Variants in ATXN2L observed in about 807,000 individuals in gnomAD.
ATXN2L encodes the protein ataxin-2-like protein.
ATXN2L carries 24 observed loss-of-function variants against 120.7 expected under a neutral mutation model. The observed-to-expected ratio is 0.20, with a 90% confidence interval of 0.14 to 0.28. ATXN2L has a LOEUF of 0.28. Ranked by LOEUF, ATXN2L falls within the 10% of genes least tolerant of loss-of-function variation. ATXN2L has a pLI of 1.00. For missense variants in ATXN2L, 1,312 were observed against 1,432.3 expected (o/e 0.92, Z 1.36); for synonymous variants, 653 against 568.1 (o/e 1.15, Z -2.13).
At chr16:28,830,135 C>T in intron 8 of ATXN2L, 77 bp downstream of exon 8, 2 of 1,399,866 alleles carry the variant, frequency 1.4e-6, no homozygotes, top group Non-Finnish European at 1.9e-6. Context: ...TTGATGAGTG[C>T]TGTGGTTTAA....
chr16:28,836,405 G>A lies in ATXN2L; in HGVS notation c.*140G>A, dbSNP rs147236636. 16 of 1,613,080 alleles carry A rather than the reference G, an allele frequency of 9.9e-6. No homozygotes were observed. The highest frequency in any genetic ancestry group is 4.0e-5 in the African/African-American group (3 of 74,822). ...CTGTCCTTTGCTTCCCTCCGTCCTC[G>A]CTCAGTTGTGATCCAGCAGCCCCCC... On this transcript the variant is annotated 3_prime_UTR_variant, in exon 22 of 22. Coordinates refer to ENST00000336783, the MANE Select transcript of ATXN2L (RefSeq NM_007245.4).
intron 2 of ATXN2L, 23 bp from the exon 3 acceptor site, chr16:28,825,601 C>A: frequency 6.2e-7 from 1 of 1,610,338 alleles, no homozygotes; most frequent in Non-Finnish European, 8.5e-7. Flanking sequence ...TCCTTTAATT[C>A]TCCCTCTTAT....
rs777217286 is a variant in ATXN2L at position 28,835,338 on chromosome 16, C to T, written c.2624C>T (p.Pro875Leu). Reference protein sequence around the residue: ...ATQLHAHQPQPATTPTGSQPQ... With the variant: ...ATQLHAHQPQLATTPTGSQPQ... ...CAGCTCCATGCCCACCAGCCGCAGC[C>T]GGCTACCACGCCTACTGGAAGCCAG... Residue 875 changes from proline to leucine, a missense_variant, in exon 20 of 22, where the codon CCG becomes CTG. By Grantham distance (98) the Pro-to-Leu change is moderately conservative (BLOSUM62 -3). Transcript: ENST00000336783. 2.5e-6 allele frequency: 4 copies of T among 1,613,542 alleles called. No homozygotes were observed. Among genetic ancestry groups the T allele is most frequent in the Non-Finnish European group, 3.4e-6 (4 of 1,179,934 alleles).
intron 6 of ATXN2L, among the ~76,000 whole-genome samples, chr16:28,829,001 G>C (rs1326774345): frequency 1.3e-5 from 2 of 152,148 alleles, no homozygotes; most frequent in Non-Finnish European, 2.9e-5. Context: ...AAAGTGCTGG[G>C]ATTACAGGCA....
Position 28,830,739 on chromosome 16 carries a change from C to T in ATXN2L, c.1159C>T (p.Leu387=). The T allele has an allele frequency of 6.2e-7, 1 of 1,613,362 alleles. No homozygotes were observed. The highest frequency in any genetic ancestry group is 8.5e-7 in the Non-Finnish European group (1 of 1,179,764). ...TTTGCCACCTCGTGGCCCTCACCAT[C>T]TGGACAACAGCAGCCCTGGCCCAGG... The part of the protein sequence containing the change: ...SSLPPRGPHH[L]DNSSPGPGSE... Residue 387 remains leucine, a synonymous_variant, in exon 9 of 22, where the codon CTG becomes TTG. Coordinates refer to ENST00000336783, the MANE Select transcript of ATXN2L (RefSeq NM_007245.4).
rs372090482 is a variant in ATXN2L, at chr16:28,836,301, C to T, written c.*36C>T. On this transcript the variant is annotated 3_prime_UTR_variant, in exon 22 of 22. Coordinates refer to ENST00000336783, the MANE Select transcript of ATXN2L (RefSeq NM_007245.4). ...AGGCAGGGCTGTCCCACAGGGCGCC[C>T]GCCGACCTGCACCTGTCTGTGAAGT... The T allele has an allele frequency of 2.4e-5, 39 of 1,609,658 alleles. No homozygotes were observed. Among genetic ancestry groups the T allele is most frequent in the South Asian group, 1.2e-4 (11 of 90,636 alleles).
rs1140135 is a variant in ATXN2L, at chr16:28,836,103, C to T, written c.3066C>T (p.Pro1022=). 4.3e-6 allele frequency: 7 copies of T among 1,614,046 alleles called. No individual in the cohort carries two copies. In the African/African-American group the frequency reaches 9.3e-5, roughly 22 times the overall value. The change falls in exon 22 of 22, where the codon CCC becomes CCT. Residue 1022 remains proline (P), a synonymous_variant. Transcript: ENST00000336783. The stretch of plus-strand genomic sequence containing the variant: ...CAGCTTCCACACCCTCACCCTACCC[C>T]TACATCGGACACCCCCAAGGTGAGC... ...ALSASTPSPY[P]YIGHPQGEQP...
chr16:28,823,667 G>A (rs2050419183), intron 1 of ATXN2L, 109 bp downstream of exon 1: 1 of 1,110,910 alleles, frequency 9.0e-7, no homozygotes. Flanking sequence ...CGGCTGGGTG[G>A]GGAGTCCCCG....
In ATXN2L at chr16:28,826,251, C is replaced by A. The variant is rs750821976; in HGVS notation, c.477C>A (p.Ala159=). The A allele has an allele frequency of 2.5e-6, 4 of 1,614,050 alleles. No homozygotes were observed. The highest frequency in any genetic ancestry group is 2.7e-5 in the African/African-American group (2 of 74,908). ...FKTLSSKFEL[A]VDAVHRKASE... is the part of the protein sequence containing the mutation. The stretch of plus-strand genomic sequence containing the variant: ...TGGGGTGTTTGTAGTTTGAACTAGC[C>A]GTGGATGCTGTGCACCGGAAAGCAT... Residue 159 remains alanine, a synonymous_variant, in exon 5 of 22, where the codon GCC becomes GCA. Transcript: ENST00000336783.
chr16:28,833,307 G>T lies in ATXN2L; in HGVS notation c.1908G>T (p.Pro636=). Residue 636 remains proline, a synonymous_variant, in exon 14 of 22, where the codon CCG becomes CCT. Transcript: ENST00000336783. The part of the protein sequence containing the change: ...PPCPSQTGSP[P]VGLIKGEDKD... Reference sequence around the variant, plus strand: ...GTCCAAGCCAAACTGGCAGCCCCCCGGTGGGCCTCATCAAGGGAGAAGACA... The same window carrying T: ...GTCCAAGCCAAACTGGCAGCCCCCCTGTGGGCCTCATCAAGGGAGAAGACA... 2 of 1,614,096 alleles carry T rather than the reference G, an allele frequency of 1.2e-6. No homozygotes were observed. Among genetic ancestry groups the T allele is most frequent in the Non-Finnish European group, 8.5e-7 (1 of 1,179,964 alleles).
intron 10 of ATXN2L, among the ~76,000 whole-genome samples, chr16:28,831,982 T>G (rs866989809): frequency 3.9e-5 from 6 of 152,210 alleles, no homozygotes; most frequent in South Asian, 2.1e-4. Context: ...GTAGCTTGAG[T>G]TGACTGGAAC....
chr16:28,832,703 C>T (rs2054961865), intron 12 of ATXN2L, 114 bp from the exon 13 acceptor site: 1 of 1,412,782 alleles, frequency 7.1e-7, no homozygotes, highest in Non-Finnish European at 9.8e-7. Flanking sequence ...TTCTGTGATC[C>T]TCAAGAGTTT....
chr16:28,833,983 A>T, intron 15 of ATXN2L, 82 bp from the exon 16 acceptor site: 1 of 1,476,828 alleles, frequency 6.8e-7, no homozygotes, highest in Non-Finnish European at 9.3e-7. Context: ...GCATTTCACG[A>T]ATGTTAATTA....
At chr16:28,824,125 C>T (rs986927253) in intron 1 of ATXN2L, 87 of 1,022,870 alleles carry the variant, frequency 8.5e-5, no homozygotes, top group Non-Finnish European at 9.8e-5. Flanking sequence ...GGCCGGGAGC[C>T]TCTGGCGCGC....
rs1960862597 is a variant in ATXN2L at position 28,836,466 on chromosome 16, T to G, written c.*201T>G. ...CTCCCCAGCTCTCAGTGACCCCGAC[T>G]GTCTCCTGACTTAGCCGAGGTAAGG... On this transcript the variant is annotated 3_prime_UTR_variant, in exon 22 of 22. Transcript: ENST00000336783. 5 of 1,611,946 alleles carry G rather than the reference T, an allele frequency of 3.1e-6. No individual in the cohort carries two copies. The highest frequency in any genetic ancestry group is 4.2e-6 in the Non-Finnish European group (5 of 1,179,152).
intron 15 of ATXN2L, 90 bp from the exon 16 acceptor site, chr16:28,833,975 A>T: frequency 1.3e-5 from 19 of 1,425,142 alleles, no homozygotes; most frequent in Non-Finnish European, 1.7e-5. Flanking sequence ...GGTATGCAGC[A>T]TTTCACGAAT....
chr16:28,832,678 G>A lies in ATXN2L; in HGVS notation c.1588+111G>A, dbSNP rs985020727. On this transcript the variant is annotated intron_variant, in intron 12 of 21. Transcript: ENST00000336783. ...AGGCAAACAATGTCTATCAGTCCTT[G>A]GATTATAATTTCACTTCTGTGATCC... 6 of 1,412,550 alleles carry A rather than the reference G, an allele frequency of 4.2e-6. No individual in the cohort carries two copies. In the East Asian group the frequency reaches 1.1e-4, roughly 27 times the overall value. 87.5% of individuals were successfully genotyped at this position (1,412,550 alleles called of 1,614,324 possible). A position where few individuals can be genotyped will look rare whatever the true frequency, so the allele number is the denominator to read the frequency against.
At chr16:28,834,263 C>T (rs35725751) in intron 16 of ATXN2L, 52 bp downstream of exon 16, 407,687 of 1,609,196 alleles carry the variant, frequency 0.25, 56,981 homozygotes, top group South Asian at 0.53. Flanking sequence ...GATTTGGTTG[C>T]GCTGGTTGAG....
At chr16:28,828,413 C>T (rs2053050712) in intron 6 of ATXN2L, among the ~76,000 whole-genome samples, 1 of 152,002 alleles carries the variant, frequency 6.6e-6, no homozygotes, top group Non-Finnish European at 1.5e-5. Context: ...GTGGAGAAGC[C>T]CCATCTCTAC....
Sources: allele counts gnomAD v4.1 joint callset (sites outside exome capture counted in the v4.1 genomes callset), GRCh38; gene constraint gnomAD v4.1.1; transcripts MANE v1.5; gene names NCBI Gene and HGNC (gene_info 2026-07-23, HGNC 2026-07-21).